The following TRPM3 variants were observed in gnomAD, a reference collection of about 807,000 sequenced individuals.
TRPM3 encodes the protein transient receptor potential cation channel subfamily M member 3.
A neutral mutation model predicts 181.2 loss-of-function variants in TRPM3; 77 were observed. The ratio of observed to expected loss-of-function variants is 0.42; its 90% CI spans 0.35 to 0.51. The LOEUF (loss-of-function observed/expected upper bound fraction) is 0.51, where lower values mean the gene tolerates loss of function less well. TRPM3 is among the 20% of genes least tolerant of loss of function. The probability of loss-of-function intolerance (pLI) is 0.01; values close to 1 mark genes in which losing one functional copy is unlikely to be tolerated. For missense variants in TRPM3, 1,759 were observed against 2,196.7 expected, an observed-to-expected ratio of 0.80 and a Z score of 3.98; for synonymous variants, 745 against 796.4, an observed-to-expected ratio of 0.94 and a Z score of 1.09.
At chr9:70,999,455 G>T (rs1206130505) in intron 1 of TRPM3, among the ~76,000 whole-genome samples, 1 of 152,164 alleles carries the variant, frequency 6.6e-6, no homozygotes, top group Non-Finnish European at 1.5e-5. Flanking sequence ...TATCACCTTG[G>T]TTGGATTCAG....
At chr9:71,198,101 C>T (rs11142722) in intron 1 of TRPM3, among the ~76,000 whole-genome samples, 55,198 of 137,786 alleles carry the variant, frequency 0.4, 11,765 homozygotes, top group East Asian at 0.49. Context: ...GCTAGCCAGT[C>T]TTCCCAGCAC....
At chr9:70,887,867 A>G (rs1420654770) in intron 1 of TRPM3, among the ~76,000 whole-genome samples, 1 of 152,232 alleles carries the variant, frequency 6.6e-6, no homozygotes, top group African/African-American at 2.4e-5. Context: ...AGTACTATGT[A>G]TCTTTCCCAT....
At position 71,167,004 on chromosome 9, in the gene TRPM3, G is replaced by A. The variant is rs115366247; in HGVS notation, c.183+279649C>T. 1.7e-3 allele frequency among the ~76,000 whole-genome samples: 264 copies of A among 152,200 alleles called. 3 individuals carry two copies. The highest frequency in any genetic ancestry group is 5.8e-3 in the African/African-American group (239 of 41,526). On this transcript the variant is annotated intron_variant, in intron 1 of 24. Coordinates refer to the TRPM3 transcript ENST00000357533. ...TTACTATCTTGTTTGAGAAAAATGA[G>A]GTAATGGCAGAAAGGATTCAAGAGC...
At chr9:71,383,650 C>A (rs1414950393) in intron 1 of TRPM3, among the ~76,000 whole-genome samples, 1 of 152,158 alleles carries the variant, frequency 6.6e-6, no homozygotes, top group African/African-American at 2.4e-5. Context: ...GCTGGCACTA[C>A]CCCTGAGGAG....
intron 1 of TRPM3, among the ~76,000 whole-genome samples, chr9:71,172,053 C>A (rs1156420396): frequency 6.6e-6 from 1 of 152,068 alleles, no homozygotes; most frequent in African/African-American, 2.4e-5. Flanking sequence ...TGCACACCAC[C>A]ATACCTGGCC....
chr9:71,362,434 A>G (rs1183201714), intron 1 of TRPM3, among the ~76,000 whole-genome samples: 1 of 152,142 alleles, frequency 6.6e-6, no homozygotes, highest in Non-Finnish European at 1.5e-5. Flanking sequence ...TGTGAGTGAA[A>G]CAAAGAAAAA....
At chr9:71,368,769 GA>G (rs1215872734) in intron 1 of TRPM3, among the ~76,000 whole-genome samples, 1 of 152,074 alleles carries the variant, frequency 6.6e-6, no homozygotes, top group Admixed American at 6.5e-5. Context: ...ATAACAAAAC[GA>G]AATCTTTTTG....
chr9:71,173,998 A>T lies in TRPM3; in HGVS notation c.183+272655T>A, dbSNP rs189449307. On this transcript the variant is annotated intron_variant, in intron 1 of 24. Transcript: ENST00000357533. ...TCTGCAATACAGTGTACTTTCTAAGAAGAAAAATACTCCAGAATCTGCAGT... is the reference window on the plus strand; with the variant it reads ...TCTGCAATACAGTGTACTTTCTAAGTAGAAAAATACTCCAGAATCTGCAGT... Among the ~76,000 whole-genome samples, 711 of 152,328 alleles carry T rather than the reference A, an allele frequency of 4.7e-3. 8 individuals are homozygous for T. The highest frequency in any genetic ancestry group is 0.016 in the African/African-American group (674 of 41,582).
At chr9:70,601,651 T>C (rs951405714) in intron 20 of TRPM3, among the ~76,000 whole-genome samples, 1 of 152,170 alleles carries the variant, frequency 6.6e-6, no homozygotes, top group East Asian at 1.9e-4. Context: ...AGTTGACCCC[T>C]TCCTGACTCC....
rs1384946302 is a variant in TRPM3 at position 71,412,767 on chromosome 9, T to C, written c.183+33886A>G. Reference sequence around the variant, plus strand: ...TACTGGGTATATACCCAAAGGATTATAAAGCATGCTACTATAAAGACACAT... The same window carrying C: ...TACTGGGTATATACCCAAAGGATTACAAAGCATGCTACTATAAAGACACAT... On this transcript the variant is annotated intron_variant, in intron 1 of 24. Transcript: ENST00000357533. Among the ~76,000 whole-genome samples the C allele has an allele frequency of 2.6e-5, 4 of 152,172 alleles. No homozygotes were observed. In the East Asian group the frequency reaches 5.8e-4, roughly 22 times the overall value.
intron 25 of TRPM3, among the ~76,000 whole-genome samples, chr9:70,538,819 G>T (rs1299990471): frequency 6.6e-6 from 1 of 152,136 alleles, no homozygotes; most frequent in African/African-American, 2.4e-5. Context: ...TGACATTTAC[G>T]AACTTGATTT....
chr9:70,623,464 G>T (rs1021008679), intron 14 of TRPM3, among the ~76,000 whole-genome samples: 14 of 152,108 alleles, frequency 9.2e-5, no homozygotes, highest in Admixed American at 6.6e-4. Flanking sequence ...ATTTTGAGAG[G>T]GTGTGTAAAG....
intron 1 of TRPM3, among the ~76,000 whole-genome samples, chr9:70,993,181 G>A (rs1211235092): frequency 6.6e-6 from 1 of 152,094 alleles, no homozygotes; most frequent in Non-Finnish European, 1.5e-5. Flanking sequence ...GTCATTGGAG[G>A]GTTTTAAGTG....
chr9:70,924,091 T>C (rs1005695214), intron 1 of TRPM3, among the ~76,000 whole-genome samples: 2 of 152,030 alleles, frequency 1.3e-5, no homozygotes, highest in African/African-American at 4.8e-5. Flanking sequence ...CATTTGGCAA[T>C]GTCTGCAGAC....
intron 1 of TRPM3, among the ~76,000 whole-genome samples, chr9:71,050,902 T>C (rs1185333593): frequency 6.6e-6 from 1 of 152,194 alleles, no homozygotes; most frequent in African/African-American, 2.4e-5. Flanking sequence ...ACCTGATTAA[T>C]GGGAGGGGAG....
At chr9:70,844,914 C>A (rs2094888378) in intron 4 of TRPM3, among the ~76,000 whole-genome samples, 1 of 152,134 alleles carries the variant, frequency 6.6e-6, no homozygotes, top group African/African-American at 2.4e-5. Context: ...GCCAATGAGG[C>A]CTGCTTAGTT....
chr9:70,686,160 A>T (rs1470116016), intron 8 of TRPM3, among the ~76,000 whole-genome samples: 1 of 151,790 alleles, frequency 6.6e-6, no homozygotes, highest in East Asian at 1.9e-4. Context: ...ATACACACAT[A>T]CGTATGTAAA....
At chr9:70,880,729 C>A (rs577234610) in intron 1 of TRPM3, among the ~76,000 whole-genome samples, 2 of 152,192 alleles carry the variant, frequency 1.3e-5, no homozygotes, top group African/African-American at 4.8e-5. Context: ...CATTTAAGAC[C>A]TCATTGATAG....
At chr9:70,999,171 T>G (rs1433737018) in intron 1 of TRPM3, among the ~76,000 whole-genome samples, 1 of 152,208 alleles carries the variant, frequency 6.6e-6, no homozygotes, top group African/African-American at 2.4e-5. Flanking sequence ...TTATCTGGCC[T>G]ACCCCCTACA....
Sources: gnomAD v4.1 joint callset for allele counts (sites outside exome capture counted in the v4.1 genomes callset) on GRCh38, gnomAD v4.1.1 for gene constraint, MANE v1.5 for transcripts, NCBI Gene and HGNC (gene_info 2026-07-23, HGNC 2026-07-21) for gene names.